Variants in SRPK2 observed in about 807,000 individuals in gnomAD.
SRPK2 encodes the protein SRSF protein kinase 2, also known as SFRS protein kinase 2.
A neutral mutation model predicts 90.8 loss-of-function variants in SRPK2; 21 were observed. The ratio of observed to expected loss-of-function variants is 0.23; its 90% CI spans 0.16 to 0.33. The LOEUF is 0.33. Among genes scored for constraint, SRPK2 ranks in the 10% least tolerant of loss-of-function variants. SRPK2 has a pLI of 1.00. For synonymous variants in SRPK2, 288 were observed against 311.1 expected (o/e 0.93, Z 0.78); for missense variants, 620 against 869.0 (o/e 0.71, Z 3.60).
chr7:105,281,672 A>G (rs964685810), intron 2 of SRPK2, among the ~76,000 whole-genome samples: 2 of 152,022 alleles, frequency 1.3e-5, no homozygotes, highest in African/African-American at 4.8e-5. Context: ...CTAAGGTAAA[A>G]AAAAAAAAAA....
Position 105,143,357 on chromosome 7 carries a change from G to C in SRPK2, c.814-27C>G, listed in dbSNP as rs749944990. The C allele has an allele frequency of 4.4e-6, 7 of 1,595,778 alleles. No homozygotes were observed. In the South Asian group the frequency reaches 5.7e-5, roughly 13 times the overall value. ...TATGTTAAGGAAAGACCACAGGTCA[G>C]TATTCTTCTTTTTAAAGCACCACGA... On this transcript the variant is annotated intron_variant, in intron 9 of 15. Transcript: ENST00000393651.
intron 2 of SRPK2, among the ~76,000 whole-genome samples, chr7:105,286,034 T>A (rs776463499): frequency 6.6e-6 from 1 of 152,200 alleles, no homozygotes; most frequent in African/African-American, 2.4e-5. Context: ...ATAAATACTA[T>A]CGCATTATCT....
chr7:105,315,841 CATA>C (rs1812246682), intron 2 of SRPK2, among the ~76,000 whole-genome samples: 2 of 152,074 alleles, frequency 1.3e-5, no homozygotes, highest in Non-Finnish European at 2.9e-5. Flanking sequence ...TAATATAATG[CATA>C]ATAAATTTTT....
chr7:105,257,221 C>A (rs1733611893), intron 2 of SRPK2, among the ~76,000 whole-genome samples: 1 of 152,168 alleles, frequency 6.6e-6, no homozygotes, highest in African/African-American at 2.4e-5. Flanking sequence ...ATAAAATCTA[C>A]TAAAATTAGT....
At chr7:105,359,399 C>A (rs1818176696) in intron 2 of SRPK2, among the ~76,000 whole-genome samples, 1 of 152,004 alleles carries the variant, frequency 6.6e-6, no homozygotes, top group South Asian at 2.1e-4. Context: ...ACCTTGTGAT[C>A]TGCCCTCCTT....
intron 2 of SRPK2, among the ~76,000 whole-genome samples, chr7:105,216,210 TAATG>T (rs1003254566): frequency 9.2e-5 from 14 of 152,024 alleles, no homozygotes; most frequent in African/African-American, 2.9e-4. Context: ...TATGCAAAAA[TAATG>T]AAACACTTCT....
Position 105,301,908 on chromosome 7 carries a change from T to C in SRPK2, c.71+86740A>G, listed in dbSNP as rs112321491. The C allele has an allele frequency of 5.9e-3, 9,541 of 1,606,872 alleles. 468 individuals carry two copies. In the African/African-American group the frequency reaches 0.1, roughly 18 times the overall value. On this transcript the variant is annotated intron_variant, in intron 2 of 15. Transcript: ENST00000393651. ...ACATCGATAAGCAATATCATCTCAA[T>C]TGAAACTCCTAATACAGCCCCATCA...
At chr7:105,285,578 G>A (rs2130902580) in intron 2 of SRPK2, among the ~76,000 whole-genome samples, 1 of 152,252 alleles carries the variant, frequency 6.6e-6, no homozygotes. Context: ...GGCCTGCTGG[G>A]AGGTGTTTGG....
At chr7:105,273,461 T>C (rs1270229944) in intron 2 of SRPK2, among the ~76,000 whole-genome samples, 1 of 151,210 alleles carries the variant, frequency 6.6e-6, no homozygotes, top group Non-Finnish European at 1.5e-5. Context: ...AGTCTCGTTC[T>C]GCCACCCAGG....
At chr7:105,261,527 CA>C (rs557687150) in intron 2 of SRPK2, among the ~76,000 whole-genome samples, 80 of 134,418 alleles carry the variant, frequency 6.0e-4, no homozygotes, top group Admixed American at 6.0e-4. Flanking sequence ...GACTCCATCT[CA>C]AAAAAAAAAA....
chr7:105,376,847 CCT>C (rs1491176310), intron 2 of SRPK2, among the ~76,000 whole-genome samples: 3 of 97,430 alleles, frequency 3.1e-5, no homozygotes, highest in African/African-American at 1.2e-4. Flanking sequence ...CCCCCACCCC[CCT>C]TTTTTTTTTA....
chr7:105,146,696 A>T (rs768705028), intron 7 of SRPK2, 38 bp from the exon 8 acceptor site: 1 of 1,586,464 alleles, frequency 6.3e-7, no homozygotes, highest in Non-Finnish European at 8.6e-7. Context: ...ATAAGCTATT[A>T]ATATCTCATT....
chr7:105,322,926 C>T (rs1813106895), intron 2 of SRPK2, among the ~76,000 whole-genome samples: 4 of 152,144 alleles, frequency 2.6e-5, no homozygotes, highest in African/African-American at 9.7e-5. Context: ...CAGCCAGACA[C>T]GGTGGCTCAT....
At chr7:105,299,730 C>CA (rs1810293148) in intron 2 of SRPK2, among the ~76,000 whole-genome samples, 1 of 151,878 alleles carries the variant, frequency 6.6e-6, no homozygotes, top group African/African-American at 2.4e-5. Context: ...CCATCTCTAC[C>CA]AAAAAATACA....
chr7:105,172,556 T>G (rs543365436), intron 3 of SRPK2, among the ~76,000 whole-genome samples: 2 of 152,314 alleles, frequency 1.3e-5, no homozygotes, highest in Admixed American at 1.3e-4. Flanking sequence ...ATAACACAAG[T>G]ATTTAGGAAA....
At chr7:105,130,051 C>A (rs142929884) in intron 13 of SRPK2, among the ~76,000 whole-genome samples, 2 of 152,068 alleles carry the variant, frequency 1.3e-5, no homozygotes, top group East Asian at 3.9e-4. Context: ...TGTACTTACA[C>A]TGGAAGGTGT....
intron 2 of SRPK2, among the ~76,000 whole-genome samples, chr7:105,235,929 T>C (rs889730017): frequency 6.6e-6 from 1 of 152,348 alleles, no homozygotes; most frequent in East Asian, 1.9e-4. Context: ...AATTCATTTA[T>C]ATTCTAGCAG....
At chr7:105,242,510 CAATA>C (rs555112933) in intron 2 of SRPK2, among the ~76,000 whole-genome samples, 2 of 151,702 alleles carry the variant, frequency 1.3e-5, no homozygotes, top group Non-Finnish European at 2.9e-5. Context: ...GGTTCCATCT[CAATA>C]AATAAATAAA....
intron 3 of SRPK2, among the ~76,000 whole-genome samples, chr7:105,201,595 C>T (rs1795557793): frequency 6.6e-6 from 1 of 150,930 alleles, no homozygotes; most frequent in Non-Finnish European, 1.5e-5. Flanking sequence ...GGAAACAGCT[C>T]CTAAAGAATG....
Sources: gnomAD v4.1 joint callset for allele counts (sites outside exome capture counted in the v4.1 genomes callset) on GRCh38, gnomAD v4.1.1 for gene constraint, MANE v1.5 for transcripts, NCBI Gene and HGNC (gene_info 2026-07-23, HGNC 2026-07-21) for gene names.